FAHD2B: variants seen among roughly 807,000 people sequenced by gnomAD.
The protein encoded by FAHD2B is fumarylacetoacetate hydrolase domain containing 2B.
FAHD2B carries 26 observed loss-of-function variants against 33.7 expected under a neutral mutation model. That is an observed-to-expected ratio of 0.77 (90% CI 0.57 to 1.07). The LOEUF is 1.07. Ranked by LOEUF, FAHD2B falls within the 50% of genes least tolerant of loss-of-function variation. The pLI is 0.00. For missense variants in FAHD2B, 272 were observed against 388.1 expected (o/e 0.70, Z 2.51); for synonymous variants, 108 against 150.9 (o/e 0.72, Z 2.08).
At chr2:97,083,843 G>C in intron 8 of FAHD2B, 26 bp from the exon 9 acceptor site, 1 of 1,614,076 alleles carries the variant, frequency 6.2e-7, no homozygotes, top group Non-Finnish European at 8.5e-7. Flanking sequence ...CCATGACGGT[G>C]TCAGCCCTTC....
downstream of FAHD2B, chr2:97,082,664 C>G (rs2031693891): frequency 6.4e-7 from 1 of 1,561,788 alleles, no homozygotes; most frequent in African/African-American, 1.4e-5. Context: ...GGCTCCCTGT[C>G]CTCCCTACCT....
At chr2:97,091,758 C>A in intron 2 of FAHD2B, 46 bp from the exon 3 acceptor site, 1 of 1,571,606 alleles carries the variant, frequency 6.4e-7, no homozygotes, top group Non-Finnish European at 8.6e-7. Flanking sequence ...ATCTCAGAGC[C>A]ATCATCAGCA....
At position 97,083,780 on chromosome 2, in the gene FAHD2B, C is replaced by G; in HGVS notation, c.920G>C (p.Gly307Ala). ...DEVQCEIEEL[G>A]VIINKVV is the part of the protein sequence containing the mutation. ...TCACACCACCTTGTTGATGATGACA[C>G]CTAGTTCTTCAATCTCACACTGGAC... Residue 307 changes from glycine to alanine, a missense_variant, in exon 9 of 9, where the codon GGT becomes GCT. Gly to Ala is a moderately conservative substitution (Grantham distance 60, BLOSUM62 0). Coordinates refer to ENST00000414820, the MANE Select transcript of FAHD2B (RefSeq NM_001320848.2). The G allele has an allele frequency of 6.2e-7, 1 of 1,614,146 alleles. No individual in the cohort carries two copies. Among genetic ancestry groups the G allele is most frequent in the Admixed American group, 1.7e-5 (1 of 59,998 alleles).
chr2:97,083,313 T>C (rs1369273211), downstream of FAHD2B: 3 of 1,566,302 alleles, frequency 1.9e-6, no homozygotes, highest in Non-Finnish European at 2.6e-6. Flanking sequence ...CACAGCTGTG[T>C]CCTAGAGCCA....
chr2:97,079,699 C>G (rs2031582664), downstream of FAHD2B, among the ~76,000 whole-genome samples: 1 of 149,916 alleles, frequency 6.7e-6, no homozygotes, highest in Non-Finnish European at 1.5e-5. Flanking sequence ...GAGTCTCACT[C>G]TTTTGCCCAG....
Position 97,084,155 on chromosome 2 carries a change from C to A in FAHD2B, c.794+14G>T, listed in dbSNP as rs1178376443. On this transcript the variant is annotated intron_variant, in intron 7 of 8. Transcript: ENST00000414820. ...AGGTGGAGCGGGGCTGGCAGGACAG[C>A]CCTTGTCACTCACTGGGAGACCCAG... is the stretch of plus-strand genomic sequence containing the variant. 2.5e-6 allele frequency: 4 copies of A among 1,613,656 alleles called. No homozygotes were observed. Among genetic ancestry groups the A allele is most frequent in the Middle Eastern group, 1.7e-4 (1 of 6,054 alleles).
downstream of FAHD2B, chr2:97,082,766 G>A (rs958843327): frequency 4.8e-5 from 73 of 1,513,298 alleles, no homozygotes; most frequent in Non-Finnish European, 5.7e-5. Context: ...GGGGTGAGAG[G>A]AGCCAGTGTC....
chr2:97,083,748 G>A lies in FAHD2B; in HGVS notation c.*7C>T. The A allele has an allele frequency of 6.2e-7, 1 of 1,614,100 alleles. No homozygotes were observed. Among genetic ancestry groups the A allele is most frequent in the Non-Finnish European group, 8.5e-7 (1 of 1,180,044 alleles). ...CCTCATCCTATGTCGGGCCTGTGCA[G>A]GAGCCATCACACCACCTTGTTGATG... On this transcript the variant is annotated 3_prime_UTR_variant, in exon 9 of 9. Coordinates refer to ENST00000414820, the MANE Select transcript of FAHD2B (RefSeq NM_001320848.2).
chr2:97,091,796 A>G lies in FAHD2B; in HGVS notation c.-7+67T>C, dbSNP rs939870401. ...CCTGATATTCCTAGGGCTATAGCCC[A>G]AGGCCCTTTGCCCCATCAACCGTTC... On this transcript the variant is annotated intron_variant, in intron 2 of 8. Transcript: ENST00000414820. The G allele has an allele frequency of 5.3e-5, 80 of 1,522,454 alleles. 1 individual carries two copies. In the South Asian group the frequency reaches 5.4e-4, roughly 10 times the overall value. The allele number at this position is 1,522,454 out of a possible 1,614,324, so 94.3% of individuals were successfully genotyped here.
chr2:97,091,346 G>C, intron 3 of FAHD2B, 116 bp downstream of exon 3: 1 of 1,052,346 alleles, frequency 9.5e-7, no homozygotes, highest in Non-Finnish European at 1.3e-6. Flanking sequence ...AAAAGGAAAG[G>C]TGGGGTTACT....
intron 8 of FAHD2B, 23 bp downstream of exon 8, chr2:97,083,925 C>G (rs767198921): frequency 1.9e-6 from 3 of 1,613,962 alleles, no homozygotes; most frequent in East Asian, 2.2e-5. Flanking sequence ...GGCCCTTGCT[C>G]TCTTTGCTTT....
intron 4 of FAHD2B, among the ~76,000 whole-genome samples, chr2:97,087,635 G>C (rs1386737682): frequency 6.6e-6 from 1 of 152,036 alleles, no homozygotes; most frequent in Non-Finnish European, 1.5e-5. Context: ...GGAGGCAGTG[G>C]TTGCAGTGAG....
chr2:97,083,178 G>A, downstream of FAHD2B: 1 of 1,602,222 alleles, frequency 6.2e-7, no homozygotes, highest in Non-Finnish European at 8.5e-7. Flanking sequence ...CAGGCCCCAG[G>A]CTCCACCTAT....
chr2:97,083,371 T>C (rs2031730492), downstream of FAHD2B: 15 of 1,481,016 alleles, frequency 1.0e-5, no homozygotes, highest in South Asian at 1.8e-4. Flanking sequence ...ATAAATATAA[T>C]CATTGAGGCT....
At chr2:97,088,093 G>A (rs1364040506) in intron 4 of FAHD2B, among the ~76,000 whole-genome samples, 1 of 152,064 alleles carries the variant, frequency 6.6e-6, no homozygotes, top group Non-Finnish European at 1.5e-5. Context: ...GATTGTTTGA[G>A]GTCAGGAGTT....
At chr2:97,091,310 C>G in intron 3 of FAHD2B, 152 bp downstream of exon 3, 1 of 1,158,476 alleles carries the variant, frequency 8.6e-7, no homozygotes, top group Non-Finnish European at 1.2e-6. Flanking sequence ...TGTAAGATTT[C>G]TAAGGATCTT....
At chr2:97,084,546 CT>C (rs1265273522) in intron 6 of FAHD2B, among the ~76,000 whole-genome samples, 6 of 151,896 alleles carry the variant, frequency 4.0e-5, no homozygotes, top group South Asian at 4.2e-4. Flanking sequence ...AGAAAAATGG[CT>C]AGGGTTTTTG....
rs138523783 is a variant in FAHD2B, at chr2:97,085,785, C to A, written c.599G>T (p.Arg200Leu). 6 of 1,613,796 alleles carry A rather than the reference C, an allele frequency of 3.7e-6. No homozygotes were observed. The highest frequency in any genetic ancestry group is 4.5e-5 in the East Asian group (2 of 44,874). ...DVSARDWLTRRNGKQWLLGKT... is the reference protein window; with the variant it reads ...DVSARDWLTRLNGKQWLLGKT... Reference sequence around the variant, plus strand: ...TCCCAGCAGCCACTGTTTCCCATTGCGTCTTGTTAGCCAGTCACGAGCACT... The same window carrying A: ...TCCCAGCAGCCACTGTTTCCCATTGAGTCTTGTTAGCCAGTCACGAGCACT... Residue 200 changes from arginine (R) to leucine (L), a missense_variant, in exon 6 of 9, where the codon CGC (arginine) becomes CTC (leucine). Arg to Leu is a moderately radical substitution (Grantham distance 102, BLOSUM62 -2). Transcript: ENST00000414820.
rs1296775823 is a variant in FAHD2B, at chr2:97,091,843, G to A, written c.-7+20C>T. On this transcript the variant is annotated intron_variant, in intron 2 of 8. Transcript: ENST00000414820. ...GTTCCCTGCATACCACACGGGAAGC[G>A]GTCCAGGCTTGTATTTTACCTGCTA... is the stretch of plus-strand genomic sequence containing the variant. 31 of 1,375,430 alleles carry A rather than the reference G, an allele frequency of 2.3e-5. No individual in the cohort carries two copies. Among genetic ancestry groups the A allele is most frequent in the Admixed American group, 5.2e-5 (2 of 38,830 alleles). 85.2% of individuals were successfully genotyped at this position (1,375,430 alleles called of 1,614,324 possible).
Sources: allele counts gnomAD v4.1 joint callset (sites outside exome capture counted in the v4.1 genomes callset), GRCh38; gene constraint gnomAD v4.1.1; transcripts MANE v1.5; gene names NCBI Gene and HGNC (gene_info 2026-07-23, HGNC 2026-07-21).